Variants in PRRC2B observed in about 807,000 individuals in gnomAD.
PRRC2B encodes the protein proline rich coiled-coil 2B, also known as protein PRRC2B.
Under a neutral mutation model 242.3 loss-of-function variants are expected in PRRC2B, and 68 were observed. The observed-to-expected ratio is 0.28, with a 90% CI of 0.23 to 0.34. PRRC2B has a LOEUF of 0.34. Among genes scored for constraint, PRRC2B ranks in the 10% least tolerant of loss-of-function variants. The pLI, the probability that PRRC2B is intolerant of heterozygous loss-of-function variation, is 1.00. For missense variants in PRRC2B, 2,835 were observed against 2,954.8 expected (o/e 0.96, Z 0.94); for synonymous variants, 1,228 against 1,173.6 (o/e 1.05, Z -0.95).
chr9:131,457,897 C>T (rs776652094), intron 10 of PRRC2B, among the ~76,000 whole-genome samples: 1 of 152,172 alleles, frequency 6.6e-6, no homozygotes, highest in African/African-American at 2.4e-5. Context: ...ATGTTACCTG[C>T]CTCGTCTTCC....
At chr9:131,437,110 AAG>A (rs1838399318) in intron 4 of PRRC2B, among the ~76,000 whole-genome samples, 1 of 152,060 alleles carries the variant, frequency 6.6e-6, no homozygotes, top group Admixed American at 6.6e-5. Context: ...AGGTCACAAA[AAG>A]GTTCACTGGC....
chr9:131,430,981 G>C (rs1424970769), intron 2 of PRRC2B, among the ~76,000 whole-genome samples: 1 of 146,736 alleles, frequency 6.8e-6, no homozygotes, highest in Non-Finnish European at 1.5e-5. Flanking sequence ...ACACAGTTTC[G>C]CTCTTATTGC....
chr9:131,444,390 T>C (rs1838716882), intron 6 of PRRC2B, 62 bp downstream of exon 6: 1 of 1,558,940 alleles, frequency 6.4e-7, no homozygotes, highest in East Asian at 2.4e-5. Context: ...CTCATCTCTC[T>C]GCACTCCTAA....
intron 28 of PRRC2B, among the ~76,000 whole-genome samples, chr9:131,490,074 T>G (rs1181469729): frequency 6.6e-6 from 1 of 152,208 alleles, no homozygotes; most frequent in East Asian, 1.9e-4. Context: ...AGCTCAGATC[T>G]GTCCCTGGAA....
At chr9:131,459,502 C>CACAAGCAA in intron 11 of PRRC2B, 146 bp downstream of exon 11, 1 of 771,720 alleles carries the variant, frequency 1.3e-6, no homozygotes, top group Non-Finnish European at 2.0e-6. Flanking sequence ...CAGGGTCTCA[C>CACAAGCAA]TATGTTGCCC....
chr9:131,494,622 A>G lies in PRRC2B; in HGVS notation c.6555+136A>G. ...CCATGCCCTAGCGGTTAGAGCACAG[A>G]ACCGGGAGCTGGGCCGCCCGCGTCC... On this transcript the variant is annotated intron_variant, in intron 31 of 31. Coordinates refer to ENST00000683519, the MANE Select transcript of PRRC2B (RefSeq NM_013318.4). The surrounding 1 kb of genome is among the most constrained non-coding windows in gnomAD (Gnocchi z 4.3). The G allele has an allele frequency of 8.8e-6, 5 of 569,616 alleles. No homozygotes were observed. In the South Asian group the frequency reaches 1.1e-4, roughly 13 times the overall value. 35.3% of individuals were successfully genotyped at this position (569,616 alleles called of 1,614,324 possible).
chr9:131,436,592 C>G (rs764088860), intron 3 of PRRC2B, 28 bp from the exon 4 acceptor site: 22 of 1,592,776 alleles, frequency 1.4e-5, no homozygotes, highest in Non-Finnish European at 1.8e-5. Flanking sequence ...TGTGCGGTGC[C>G]TGACCCCACT....
In PRRC2B at chr9:131,470,774, C is replaced by T; in HGVS notation, c.1912-14C>T. The T allele has an allele frequency of 6.2e-7, 1 of 1,609,438 alleles. No homozygotes were observed. The highest frequency in any genetic ancestry group is 8.5e-7 in the Non-Finnish European group (1 of 1,177,482). On this transcript the variant is annotated splice_polypyrimidine_tract_variant and intron_variant, in intron 13 of 31. Transcript: ENST00000683519. ...CGCACCAGCCTGACCAAGTCTCTCT[C>T]TCTCTGTGGGCAGGAGCAGCTGTAC...
chr9:131,467,812 T>C, intron 13 of PRRC2B, 59 bp downstream of exon 13: 2 of 1,557,566 alleles, frequency 1.3e-6, no homozygotes, highest in Middle Eastern at 1.7e-4. Flanking sequence ...GAGCAGATGT[T>C]TCCCCTCCTC....
At position 131,487,767 on chromosome 9, in the gene PRRC2B, G is replaced by A. The variant is rs1415790102; in HGVS notation, c.5985-89G>A. 2.4e-5 allele frequency: 36 copies of A among 1,512,544 alleles called. No homozygotes were observed. In the Admixed American group the frequency reaches 6.9e-4, roughly 29 times the overall value. The allele number at this position is 1,512,544 out of a possible 1,614,324, so 93.7% of individuals were successfully genotyped here. A position where few individuals can be genotyped will look rare whatever the true frequency, so the allele number is the denominator to read the frequency against. ...GGTGGGGCCGGGGATCTGTGGTTTA[G>A]CAAGCTCTCCGGGGATCTCTGAAGG... On this transcript the variant is annotated intron_variant, in intron 27 of 31. Transcript: ENST00000683519. The surrounding 1 kb of genome is among the most constrained non-coding windows in gnomAD (Gnocchi z 5.3).
chr9:131,377,730 T>C (rs1177512674), intron 1 of PRRC2B, among the ~76,000 whole-genome samples: 4 of 152,152 alleles, frequency 2.6e-5, no homozygotes, highest in Admixed American at 1.3e-4. Context: ...ATTCTGCCGC[T>C]TTCTCCTCTC....
chr9:131,475,208 G>C lies in PRRC2B; in HGVS notation c.3079G>C (p.Asp1027His). 1 of 1,613,760 alleles carries C rather than the reference G, an allele frequency of 6.2e-7. No homozygotes were observed. The highest frequency in any genetic ancestry group is 8.5e-7 in the Non-Finnish European group (1 of 1,179,862). Residue 1027 changes from aspartate to histidine, a missense_variant, in exon 16 of 32, where the codon GAC becomes CAC. Around this residue, in one of 7 missense-constraint regions of PRRC2B, gnomAD observed 1,536 missense variants for 1,483.1 expected, o/e 1.04. Transcript: ENST00000683519. ...CAAATTTGAAGAGGAGGAGAAACCT[G>C]ACAAGGCCTGGGAAGCCAGACCCCC... ...ATKFEEEEKP[D>H]KAWEARPPRE...
At chr9:131,414,579 T>G (rs1281687425) in intron 1 of PRRC2B, among the ~76,000 whole-genome samples, 2 of 149,634 alleles carry the variant, frequency 1.3e-5, no homozygotes, top group African/African-American at 4.9e-5. Context: ...TGGGCTTTTT[T>G]TTTTTTTGGA....
rs547099286 is a variant in PRRC2B, at chr9:131,446,719, T to TC, written c.855+82dup. The TC allele has an allele frequency of 1.2e-4, 183 of 1,538,582 alleles. 2 individuals carry two copies. The Admixed American group carries it at 2.2e-3, about 19-fold the overall frequency. ...AGCAGATAGGTCAAGTGGTTGAATG[T>TC]CCCCCTTGGGGTCTCCTCTTGGCCC... On this transcript the variant is annotated intron_variant, in intron 7 of 31. Coordinates refer to ENST00000683519, the MANE Select transcript of PRRC2B (RefSeq NM_013318.4). The surrounding 1 kb of genome is among the most constrained non-coding windows in gnomAD (Gnocchi z 4.1).
intron 1 of PRRC2B, among the ~76,000 whole-genome samples, chr9:131,379,510 T>C (rs1007473522): frequency 2.0e-5 from 3 of 152,256 alleles, no homozygotes; most frequent in Non-Finnish European, 4.4e-5. Flanking sequence ...TTGTATCTCA[T>C]AGTGGTTTTG....
At position 131,450,814 on chromosome 9, in the gene PRRC2B, C is replaced by T. The variant is rs529849593; in HGVS notation, c.1120+3010C>T. Among the ~76,000 whole-genome samples the T allele has an allele frequency of 3.1e-4, 47 of 152,110 alleles. 1 individual carries two copies. The highest frequency in any genetic ancestry group is 6.5e-4 in the Admixed American group (10 of 15,290). On this transcript the variant is annotated intron_variant, in intron 9 of 31. Coordinates refer to ENST00000683519, the MANE Select transcript of PRRC2B (RefSeq NM_013318.4). The stretch of plus-strand genomic sequence containing the variant: ...TGTTGGCCAGGCTGATCTCGAACTC[C>T]TGACCTCAGGTGATAGGTCCGCCTT...
chr9:131,440,990 A>C (rs1355315702), intron 5 of PRRC2B, among the ~76,000 whole-genome samples: 1 of 152,118 alleles, frequency 6.6e-6, no homozygotes, highest in African/African-American at 2.4e-5. Flanking sequence ...AGTCCCAGCT[A>C]CTTGGGAGGC....
At chr9:131,481,655 CTTT>C (rs1943872586) in intron 19 of PRRC2B, 68 bp from the exon 20 acceptor site, 3 of 1,254,564 alleles carry the variant, frequency 2.4e-6, no homozygotes, top group Admixed American at 4.0e-5. Context: ...TGTGCTTGTT[CTTT>C]AAGAGCTCAT....
chr9:131,393,900 G>C (rs1231178010), upstream of PRRC2B, among the ~76,000 whole-genome samples: 2 of 141,680 alleles, frequency 1.4e-5, no homozygotes, highest in Admixed American at 7.0e-5. Context: ...GCCGCTCCCC[G>C]CCCCTCCCCC....
Sources: gnomAD v4.1 joint callset for allele counts (sites outside exome capture counted in the v4.1 genomes callset) on GRCh38, gnomAD v4.1.1 for gene constraint, gnomAD v4.1.1 regional missense constraint, Gnocchi (gnomAD v3.1) non-coding constraint, MANE v1.5 for transcripts, NCBI Gene and HGNC (gene_info 2026-07-23, HGNC 2026-07-21) for gene names.